The following B3GNT4 variants were observed in gnomAD, a reference collection of about 807,000 sequenced individuals.
The protein encoded by B3GNT4 is N-acetyllactosaminide beta-1,3-N-acetylglucosaminyltransferase 4.
In B3GNT4, 2 loss-of-function variants were observed where a neutral mutation model predicts 2.7. The ratio of observed to expected loss-of-function variants is 0.73; its 90% CI spans 0.30 to 2.31. The LOEUF is 2.31. Ranked by LOEUF, B3GNT4 falls within the 30% of genes most tolerant of loss-of-function variation. The pLI is 0.12. For synonymous variants in B3GNT4, 280 were observed against 203.4 expected (o/e 1.38, Z -3.20); for missense variants, 708 against 490.9 (o/e 1.44, Z -4.18).
At chr12:122,204,726 C>T (rs1165669493) in intron 2 of B3GNT4, 42 bp downstream of exon 2, 2 of 1,518,952 alleles carry the variant, frequency 1.3e-6, no homozygotes, top group South Asian at 1.1e-5. Flanking sequence ...CCTTGTCCCC[C>T]ACCCCCGCAT....
chr12:122,206,281 G>C (rs1267177994), intron 2 of B3GNT4, 37 bp from the exon 3 acceptor site: 2 of 1,494,060 alleles, frequency 1.3e-6, no homozygotes, highest in Admixed American at 2.2e-5. Context: ...ACAGGGACCC[G>C]GGGCTGGGCC....
At position 122,207,466 on chromosome 12, in the gene B3GNT4, C is replaced by A; in HGVS notation, c.*78C>A. On this transcript the variant is annotated 3_prime_UTR_variant, in exon 3 of 3. Transcript: ENST00000324189. ...TGATGCGAAATTGATGCCTGCTGCT[C>A]TACAGAAAATGCCAACTTGGTTTTT... The A allele has an allele frequency of 7.4e-7, 1 of 1,347,458 alleles. No homozygotes were observed. Among genetic ancestry groups the A allele is most frequent in the Non-Finnish European group, 9.9e-7 (1 of 1,012,868 alleles). 83.5% of individuals were successfully genotyped at this position (1,347,458 alleles called of 1,614,324 possible).
chr12:122,207,993 G>GTT lies in B3GNT4; in HGVS notation c.*606_*607insTT. 2.1e-6 allele frequency: 1 copy of GTT among 476,518 alleles called. No individual in the cohort carries two copies. The highest frequency in any genetic ancestry group is 1.5e-5 in the South Asian group (1 of 64,660). 29.5% of individuals were successfully genotyped at this position (476,518 alleles called of 1,614,324 possible). ...ACTGGCATCCCAACAGAGGGAACAA[G>GTT]TACTAAATCATTTTTGACGACGTAA... On this transcript the variant is annotated 3_prime_UTR_variant, in exon 3 of 3. Transcript: ENST00000324189.
Position 122,206,913 on chromosome 12 carries a change from T to C in B3GNT4, c.662T>C (p.Val221Ala). Reference sequence around the variant, plus strand: ...TTCATGCTAAAGGGAGATGACGATGTCTTTGTCCACGTCCCCAACGTGTTA... The same window carrying C: ...TTCATGCTAAAGGGAGATGACGATGCCTTTGTCCACGTCCCCAACGTGTTA... ...AHFMLKGDDD[V>A]FVHVPNVLEF... Residue 221 changes from valine to alanine, a missense_variant, in exon 3 of 3, where the codon GTC (valine) becomes GCC (alanine). Transcript: ENST00000324189. 1 of 1,614,024 alleles carries C rather than the reference T, an allele frequency of 6.2e-7. No individual in the cohort carries two copies. Among genetic ancestry groups the C allele is most frequent in the Non-Finnish European group, 8.5e-7 (1 of 1,179,990 alleles).
rs753741736 is a variant in B3GNT4 at position 122,206,938 on chromosome 12, A to G, written c.687A>G (p.Leu229=). Residue 229 remains leucine (L), a synonymous_variant, in exon 3 of 3, where the codon TTA becomes TTG. Coordinates refer to ENST00000324189, the MANE Select transcript of B3GNT4 (RefSeq NM_030765.4). ...TCTTTGTCCACGTCCCCAACGTGTT[A>G]GAGTTCCTGGATGGCTGGGACCCAG... ...DDVFVHVPNV[L]EFLDGWDPAQ... is the part of the protein sequence containing the mutation. 3.7e-6 allele frequency: 6 copies of G among 1,613,910 alleles called. No homozygotes were observed. Among genetic ancestry groups the G allele is most frequent in the African/African-American group, 1.3e-5 (1 of 74,900 alleles).
At position 122,206,850 on chromosome 12, in the gene B3GNT4, T is replaced by G; in HGVS notation, c.599T>G (p.Leu200Arg). Residue 200 changes from leucine to arginine, a missense_variant, in exon 3 of 3, where the codon CTG (leucine) becomes CGG (arginine). Transcript: ENST00000324189. Reference sequence around the variant, plus strand: ...AACCTGACGCTCAAGGAGCTGCACCTGCAGCGCTGGGTGGTGGCTGCCTGC... The same window carrying G: ...AACCTGACGCTCAAGGAGCTGCACCGGCAGCGCTGGGTGGTGGCTGCCTGC... Reference protein sequence around the residue: ...FFNLTLKELHLQRWVVAACPQ... With the variant: ...FFNLTLKELHRQRWVVAACPQ... The G allele has an allele frequency of 6.2e-7, 1 of 1,613,764 alleles. No homozygotes were observed. The highest frequency in any genetic ancestry group is 1.3e-5 in the African/African-American group (1 of 75,054).
At position 122,204,614 on chromosome 12, in the gene B3GNT4, C is replaced by T. The variant is rs12827843; in HGVS notation, c.-5C>T. 7.5e-6 allele frequency: 12 copies of T among 1,605,834 alleles called. 1 individual carries two copies. Among genetic ancestry groups the T allele is most frequent in the East Asian group, 2.2e-5 (1 of 44,686 alleles). On this transcript the variant is annotated 5_prime_UTR_variant, in exon 2 of 3. Transcript: ENST00000324189. ...GAGCACGGAGACAGTCTCCAGCTGC[C>T]GTTCATGCTTCCTCCCCAGCCTTCC... is the stretch of plus-strand genomic sequence containing the variant.
At chr12:122,204,001 G>A (rs953628150) in intron 1 of B3GNT4, among the ~76,000 whole-genome samples, 200 bp downstream of exon 1, 1 of 151,738 alleles carries the variant, frequency 6.6e-6, no homozygotes, top group Admixed American at 6.6e-5. Flanking sequence ...CGGGCCGCTC[G>A]GCTTCGGTTC....
At chr12:122,204,974 G>T in intron 2 of B3GNT4, 1 of 433,144 alleles carries the variant, frequency 2.3e-6, no homozygotes, top group South Asian at 2.9e-5. Context: ...AGGCTGCAGT[G>T]AGCTATAATT....
At position 122,206,829 on chromosome 12, in the gene B3GNT4, T is replaced by G. The variant is rs751346265; in HGVS notation, c.578T>G (p.Leu193Arg). 9 of 1,613,184 alleles carry G rather than the reference T, an allele frequency of 5.6e-6. No homozygotes were observed. The African/African-American group carries it at 1.2e-4, about 22-fold the overall frequency. ...GACTTCACTGAGGACTTCTTCAACC[T>G]GACGCTCAAGGAGCTGCACCTGCAG... ...QWDFTEDFFN[L>R]TLKELHLQRW... is the part of the protein sequence containing the mutation. Residue 193 changes from leucine to arginine, a missense_variant, in exon 3 of 3, where the codon CTG becomes CGG. Coordinates refer to ENST00000324189, the MANE Select transcript of B3GNT4 (RefSeq NM_030765.4).
intron 2 of B3GNT4, chr12:122,205,617 C>G (rs1336681613): frequency 6.6e-6 from 1 of 152,324 alleles, no homozygotes. Flanking sequence ...CTTTTCAGGT[C>G]CCTGGGAGAA....
Position 122,208,281 on chromosome 12 carries a change from C to G in B3GNT4, c.*893C>G. ...GATTGGCCAGGGCAGGATCTGCCGC[C>G]TCTTCTCGGTGCACAGACAGTCATG... On this transcript the variant is annotated 3_prime_UTR_variant, in exon 3 of 3. Coordinates refer to ENST00000324189, the MANE Select transcript of B3GNT4 (RefSeq NM_030765.4). 7.0e-7 allele frequency: 1 copy of G among 1,432,206 alleles called. No individual in the cohort carries two copies. Among genetic ancestry groups the G allele is most frequent in the Non-Finnish European group, 9.7e-7 (1 of 1,030,314 alleles). 88.7% of individuals were successfully genotyped at this position (1,432,206 alleles called of 1,614,324 possible). A position where few individuals can be genotyped will look rare whatever the true frequency, so the allele number is the denominator to read the frequency against.
rs1285891460 is a variant in B3GNT4, at chr12:122,208,840, C to T, written c.*1452C>T. ...TATTAAATGCAACTCTCACAATCAT[C>T]TTTATAGCTACAGAGCTTTTAGTAC... On this transcript the variant is annotated 3_prime_UTR_variant, in exon 3 of 3. Coordinates refer to ENST00000324189, the MANE Select transcript of B3GNT4 (RefSeq NM_030765.4). The T allele has an allele frequency of 5.9e-5, 34 of 577,792 alleles. No individual in the cohort carries two copies. The Admixed American group carries it at 6.9e-4, about 12-fold the overall frequency. The allele number at this position is 577,792 out of a possible 1,614,324, so 35.8% of individuals were successfully genotyped here.
At position 122,208,397 on chromosome 12, in the gene B3GNT4, T is replaced by A. The variant is rs563254479; in HGVS notation, c.*1009T>A. ...CTCAGGCCCTCAATCCTCACGCAGG[T>A]AGGCCTCCTGCTCCGACTCAGCCCG... On this transcript the variant is annotated 3_prime_UTR_variant, in exon 3 of 3. Transcript: ENST00000324189. The A allele has an allele frequency of 6.2e-7, 1 of 1,612,586 alleles. No homozygotes were observed. The highest frequency in any genetic ancestry group is 1.1e-5 in the South Asian group (1 of 91,012).
Position 122,207,025 on chromosome 12 carries a change from C to A in B3GNT4, c.774C>A (p.Val258=), listed in dbSNP as rs751755393. The change falls in exon 3 of 3, where the codon GTC becomes GTA. Residue 258 remains valine, a synonymous_variant. Transcript: ENST00000324189. ...RQALPNRNTK[V]KYFIPPSMYR... ...CCCTGCCCAACAGGAACACTAAGGT[C>A]AAATACTTCATCCCACCCTCAATGT... is the stretch of plus-strand genomic sequence containing the variant. The A allele has an allele frequency of 6.2e-7, 1 of 1,613,700 alleles. No individual in the cohort carries two copies. Among genetic ancestry groups the A allele is most frequent in the African/African-American group, 1.3e-5 (1 of 74,924 alleles).
rs1370199455 is a variant in B3GNT4, at chr12:122,206,876, C to G, written c.625C>G (p.Pro209Ala). 3 of 1,613,808 alleles carry G rather than the reference C, an allele frequency of 1.9e-6. No homozygotes were observed. In the South Asian group the frequency reaches 3.3e-5, roughly 18 times the overall value. The change falls in exon 3 of 3, where the codon CCC becomes GCC. Residue 209 changes from proline (P) to alanine (A), a missense_variant. Transcript: ENST00000324189. ...GCAGCGCTGGGTGGTGGCTGCCTGC[C>G]CCCAGGCCCATTTCATGCTAAAGGG... The part of the protein sequence containing the change: ...HLQRWVVAAC[P>A]QAHFMLKGDD...
chr12:122,207,089 G>A lies in B3GNT4; in HGVS notation c.838G>A (p.Gly280Arg), dbSNP rs1467123624. The change falls in exon 3 of 3, where the codon GGA becomes AGA. Residue 280 changes from glycine (G) to arginine (R), a missense_variant. By Grantham distance (125) the Gly-to-Arg change is moderately radical. Coordinates refer to ENST00000324189, the MANE Select transcript of B3GNT4 (RefSeq NM_030765.4). ...THYPPYAGGG[G>R]YVMSRATVRR... ...CTACCCACCCTATGCTGGTGGGGGAGGATATGTCATGTCCAGAGCCACAGT... is the reference window on the plus strand; with the variant it reads ...CTACCCACCCTATGCTGGTGGGGGAAGATATGTCATGTCCAGAGCCACAGT... 2 of 1,613,972 alleles carry A rather than the reference G, an allele frequency of 1.2e-6. No individual in the cohort carries two copies. The highest frequency in any genetic ancestry group is 2.7e-5 in the African/African-American group (2 of 74,910).
Position 122,207,550 on chromosome 12 carries a change from A to G in B3GNT4, c.*162A>G, listed in dbSNP as rs1593162766. 1 of 732,370 alleles carries G rather than the reference A, an allele frequency of 1.4e-6. No homozygotes were observed. Among genetic ancestry groups the G allele is most frequent in the East Asian group, 2.7e-5 (1 of 37,158 alleles). The allele number at this position is 732,370 out of a possible 1,614,324, so 45.4% of individuals were successfully genotyped here. A position where few individuals can be genotyped will look rare whatever the true frequency, so the allele number is the denominator to read the frequency against. On this transcript the variant is annotated 3_prime_UTR_variant, in exon 3 of 3. Transcript: ENST00000324189. ...ACACTGCAACCCAGCTAACTTGTCC[A>G]GCATATGTTGAATGGGAGCCAAAGT...
intron 2 of B3GNT4, chr12:122,205,264 C>T (rs893534669): frequency 1.3e-5 from 2 of 153,452 alleles, no homozygotes; most frequent in Non-Finnish European, 2.9e-5. Context: ...GCTATGGGAT[C>T]CGTCCTCCGC....
Sources: gnomAD v4.1 joint callset for allele counts (sites outside exome capture counted in the v4.1 genomes callset) on GRCh38, gnomAD v4.1.1 for gene constraint, MANE v1.5 for transcripts, NCBI Gene and HGNC (gene_info 2026-07-23, HGNC 2026-07-21) for gene names.